Variants in BUB1B observed in about 807,000 individuals in gnomAD.
The protein encoded by BUB1B is BUB1 mitotic checkpoint serine/threonine kinase B.
In BUB1B, 86 loss-of-function variants were observed where a neutral mutation model predicts 137.7. The observed-to-expected ratio is 0.62, with a 90% CI of 0.52 to 0.75. The LOEUF (loss-of-function observed/expected upper bound fraction) is 0.75, where lower values mean the gene tolerates loss of function less well. Among genes scored for constraint, BUB1B ranks in the 30% least tolerant of loss-of-function variants. The pLI is 0.00. For synonymous variants in BUB1B, 420 were observed against 417.9 expected, an observed-to-expected ratio of 1.00 and a Z score of -0.06; for missense variants, 1,130 against 1,236.9, an observed-to-expected ratio of 0.91 and a Z score of 1.30.
At chr15:40,190,330 G>A (rs955129400) in intron 8 of BUB1B, among the ~76,000 whole-genome samples, 4 of 151,916 alleles carry the variant, frequency 2.6e-5, no homozygotes, top group African/African-American at 9.7e-5. Flanking sequence ...TTGAGGCTGG[G>A]CATGGTGGCT....
chr15:40,210,868 T>C (rs1056141159), intron 18 of BUB1B, among the ~76,000 whole-genome samples: 1 of 152,252 alleles, frequency 6.6e-6, no homozygotes, highest in African/African-American at 2.4e-5. Flanking sequence ...TGGATCCTTA[T>C]AGGATCTTAT....
At chr15:40,211,379 A>G (rs185241151) in intron 18 of BUB1B, among the ~76,000 whole-genome samples, 1 of 152,146 alleles carries the variant, frequency 6.6e-6, no homozygotes, top group Admixed American at 6.6e-5. Context: ...TGTATATGGA[A>G]AGACCTTGAC....
rs758774329 is a variant in BUB1B, at chr15:40,212,647, A to G, written c.2534A>G (p.Gln845Arg). The G allele has an allele frequency of 1.2e-6, 2 of 1,612,686 alleles. No individual in the cohort carries two copies. Among genetic ancestry groups the G allele is most frequent in the Non-Finnish European group, 1.7e-6 (2 of 1,179,442 alleles). ...WHQYINCFTLQDLLQHSEYIT... is the reference protein window; with the variant it reads ...WHQYINCFTLRDLLQHSEYIT... Reference sequence around the variant, plus strand: ...CAATATATAAACTGCTTCACCCTTCAGGTCTGTAATACTAAAAACATAATT... The same window carrying G: ...CAATATATAAACTGCTTCACCCTTCGGGTCTGTAATACTAAAAACATAATT... Residue 845 changes from glutamine to arginine, a missense_variant and splice_region_variant, in exon 19 of 23, where the codon CAG becomes CGG. Gln to Arg is a conservative substitution (Grantham distance 43). Transcript: ENST00000287598.
At position 40,170,544 on chromosome 15, in the gene BUB1B, A is replaced by T. The variant is rs147832586; in HGVS notation, c.247A>T (p.Ser83Cys). 1.9e-6 allele frequency: 3 copies of T among 1,613,658 alleles called. No homozygotes were observed. In the Admixed American group the frequency reaches 5.0e-5, roughly 27 times the overall value. ...CTTTTTCCTCCCATTTAGGTATATC[A>T]GCTGGACAGAGCAGAACTATCCTCA... Reference protein sequence around the residue: ...DPLDVWDRYISWTEQNYPQGG... With the variant: ...DPLDVWDRYICWTEQNYPQGG... Residue 83 changes from serine (S) to cysteine (C), a missense_variant, in exon 4 of 23, where the codon AGC (serine) becomes TGC (cysteine). Physicochemically the swap from Ser to Cys is moderately radical, Grantham distance 112 (BLOSUM62 -1). Coordinates refer to ENST00000287598, the MANE Select transcript of BUB1B (RefSeq NM_001211.6).
intron 4 of BUB1B, among the ~76,000 whole-genome samples, chr15:40,172,451 CCATATGTATTATATCTTTTTTTTTA>C (rs2037175164): frequency 6.6e-6 from 1 of 151,964 alleles, no homozygotes; most frequent in African/African-American, 2.4e-5. Context: ...AGTTTGTATG[CCATATGTATTATATCTTTTTTTTTA>C]CAACAATCTT....
rs144413966 is a variant in BUB1B, at chr15:40,216,815, A to G, written c.2679-681A>G. The stretch of plus-strand genomic sequence containing the variant: ...GAACACATGAAAACCCACTCTTTTC[A>G]TTTATAAACAGTTCCTATGTCCCCT... On this transcript the variant is annotated intron_variant, in intron 20 of 22. Coordinates refer to ENST00000287598, the MANE Select transcript of BUB1B (RefSeq NM_001211.6). Among the ~76,000 whole-genome samples the G allele has an allele frequency of 5.9e-4, 90 of 152,014 alleles. 2 individuals carry two copies. In the East Asian group the frequency reaches 0.014, roughly 23 times the overall value.
At chr15:40,172,727 G>GA (rs1169643151) in intron 4 of BUB1B, among the ~76,000 whole-genome samples, 4 of 152,152 alleles carry the variant, frequency 2.6e-5, no homozygotes, top group African/African-American at 9.7e-5. Flanking sequence ...TACAAGTATA[G>GA]AAAATTAGGT....
intron 8 of BUB1B, among the ~76,000 whole-genome samples, chr15:40,193,271 A>G (rs2037458436): frequency 6.6e-6 from 1 of 152,062 alleles, no homozygotes; most frequent in Admixed American, 6.6e-5. Flanking sequence ...TTGCATTCCT[A>G]CCACCCATCA....
intron 19 of BUB1B, 81 bp from the exon 20 acceptor site, chr15:40,213,251 C>A: frequency 1.3e-6 from 2 of 1,499,864 alleles, no homozygotes; most frequent in Non-Finnish European, 1.8e-6. Flanking sequence ...AGACTACAAA[C>A]CATCAGTTTT....
intron 20 of BUB1B, among the ~76,000 whole-genome samples, chr15:40,216,581 T>A (rs1273288441): frequency 3.0e-4 from 43 of 144,506 alleles, no homozygotes; most frequent in African/African-American, 1.0e-3. Flanking sequence ...ATTTTTTTTT[T>A]TTTTTAATTA....
chr15:40,220,854 A>G lies in BUB1B; in HGVS notation c.*95A>G. On this transcript the variant is annotated 3_prime_UTR_variant, in exon 23 of 23. Transcript: ENST00000287598. ...TGTGCTGTAATTTAATTTAGGACAC[A>G]TTTAGATGCACTACCATTGCTGTTC... The G allele has an allele frequency of 1.5e-6, 2 of 1,295,720 alleles. No individual in the cohort carries two copies. 80.3% of individuals were successfully genotyped at this position (1,295,720 alleles called of 1,614,324 possible).
chr15:40,179,312 C>G lies in BUB1B; in HGVS notation c.581+2639C>G, dbSNP rs186068926. On this transcript the variant is annotated intron_variant, in intron 5 of 22. Transcript: ENST00000287598. ...ATATGAATATTATTTATCCATTCAT[C>G]AGTTAGTGAACATTTAGGTTGTTTG... Among the ~76,000 whole-genome samples, 10 of 152,200 alleles carry G rather than the reference C, an allele frequency of 6.6e-5. 1 individual carries two copies. The highest frequency in any genetic ancestry group is 3.9e-4 in the Admixed American group (6 of 15,294).
At chr15:40,217,270 C>T in intron 20 of BUB1B, 1 of 566,534 alleles carries the variant, frequency 1.8e-6, no homozygotes, top group Non-Finnish European at 3.1e-6. Context: ...TGGCCATGCA[C>T]CGTGATTGAA....
intron 2 of BUB1B, among the ~76,000 whole-genome samples, chr15:40,169,311 T>G (rs1397347784): frequency 6.6e-6 from 1 of 152,160 alleles, no homozygotes; most frequent in Non-Finnish European, 1.5e-5. Context: ...ATTTATATAT[T>G]TGTTCATGTG....
rs545519970 is a variant in BUB1B at position 40,218,310 on chromosome 15, G to A, written c.2851-146G>A. 84 of 693,800 alleles carry A rather than the reference G, an allele frequency of 1.2e-4. 1 individual carries two copies. Among genetic ancestry groups the A allele is most frequent in the Admixed American group, 5.7e-4 (27 of 47,448 alleles). The allele number at this position is 693,800 out of a possible 1,614,324, so 43.0% of individuals were successfully genotyped here. A position where few individuals can be genotyped will look rare whatever the true frequency, so the allele number is the denominator to read the frequency against. On this transcript the variant is annotated intron_variant, in intron 21 of 22. Coordinates refer to ENST00000287598, the MANE Select transcript of BUB1B (RefSeq NM_001211.6). Reference sequence around the variant, plus strand: ...TCTTTGGAGAGCTTCTCCCTTTACTGTAAGGGTGAGGAACAGTCTACTAAA... The same window carrying A: ...TCTTTGGAGAGCTTCTCCCTTTACTATAAGGGTGAGGAACAGTCTACTAAA...
rs1240837587 is a variant in BUB1B at position 40,200,319 on chromosome 15, ACT to A, written c.1480_1481del (p.Leu494IlefsTer28). ...CGAGTCTCAGAAAATACCAGGAATGACTCTATCCAGTTCTGTTTGTCAAGTAA... is the reference window on the plus strand; with the variant it reads ...CGAGTCTCAGAAAATACCAGGAATGACTATCCAGTTCTGTTTGTCAAGTAA... The part of the protein sequence containing the change: ...ASESQKIPGM[T>X]LSSSVCQVNC... On this transcript the variant is annotated frameshift_variant, in exon 11 of 23. Transcript: ENST00000287598. LOFTEE classifies it high-confidence loss of function. The A allele has an allele frequency of 3.7e-6, 6 of 1,613,732 alleles. No individual in the cohort carries two copies. Among genetic ancestry groups the A allele is most frequent in the Admixed American group, 3.3e-5 (2 of 59,974 alleles).
intron 2 of BUB1B, chr15:40,166,458 G>A (rs2037099656): frequency 2.8e-6 from 1 of 355,178 alleles, no homozygotes; most frequent in South Asian, 2.0e-5. Context: ...TCCTGCCTCA[G>A]CCTCCTGAGT....
chr15:40,185,372 A>G lies in BUB1B; in HGVS notation c.959A>G (p.Glu320Gly), dbSNP rs771382233. ...AGPWNTGRSLEHRPRGNTASL... is the reference protein window; with the variant it reads ...AGPWNTGRSLGHRPRGNTASL... ...CCTTGGAACACAGGCAGGTCCTTGG[A>G]ACACAGGGTAAGGACTCTTAGATCC... The change falls in exon 7 of 23, where the codon GAA (glutamate) becomes GGA (glycine). Residue 320 changes from glutamate to glycine, a missense_variant. Physicochemically the swap from Glu to Gly is moderately conservative, Grantham distance 98. Coordinates refer to ENST00000287598, the MANE Select transcript of BUB1B (RefSeq NM_001211.6). The G allele has an allele frequency of 1.4e-5, 23 of 1,614,010 alleles. No individual in the cohort carries two copies. In the East Asian group the frequency reaches 4.9e-4, roughly 34 times the overall value.
At chr15:40,195,091 C>T (rs2037481920) in intron 8 of BUB1B, among the ~76,000 whole-genome samples, 1 of 152,184 alleles carries the variant, frequency 6.6e-6, no homozygotes, top group Non-Finnish European at 1.5e-5. Context: ...GTCACCTGAG[C>T]AGTGTACACT....
Sources: allele counts gnomAD v4.1 joint callset (sites outside exome capture counted in the v4.1 genomes callset), GRCh38; gene constraint gnomAD v4.1.1; transcripts MANE v1.5; gene names NCBI Gene and HGNC (gene_info 2026-07-23, HGNC 2026-07-21).